FAT3: variants seen among roughly 807,000 people sequenced by gnomAD.
FAT3 encodes protocadherin Fat 3.
Under a neutral mutation model 310.2 loss-of-function variants are expected in FAT3, and 95 were observed. The observed-to-expected ratio is 0.31, with a 90% CI of 0.26 to 0.36. The LOEUF is 0.36. FAT3 is among the 10% of genes least tolerant of loss of function. The probability of loss-of-function intolerance (pLI) is 1.00; values close to 1 mark genes in which losing one functional copy is unlikely to be tolerated. For missense variants in FAT3, 5,408 were observed against 5,715.6 expected, an observed-to-expected ratio of 0.95 and a Z score of 1.74; for synonymous variants, 2,314 against 2,192.9, an observed-to-expected ratio of 1.06 and a Z score of -1.54.
intron 13 of FAT3, among the ~76,000 whole-genome samples, chr11:92,822,293 C>A (rs776970231): frequency 6.6e-6 from 1 of 151,556 alleles, no homozygotes; most frequent in Non-Finnish European, 1.5e-5. Context: ...TGTGCTACCT[C>A]ATTTGTAGAC....
chr11:92,701,128 A>G (rs1043763433), intron 4 of FAT3, among the ~76,000 whole-genome samples: 1 of 152,176 alleles, frequency 6.6e-6, no homozygotes, highest in Non-Finnish European at 1.5e-5. Flanking sequence ...TTAAACTCAT[A>G]TTAACCTTCT....
At chr11:92,748,261 A>G (rs117829518) in intron 4 of FAT3, among the ~76,000 whole-genome samples, 5,016 of 152,186 alleles carry the variant, frequency 0.033, 135 homozygotes, top group Middle Eastern at 0.058. Context: ...TTATAAAACC[A>G]TCAGATCCCA....
chr11:92,480,001 C>G (rs1952174387), intron 2 of FAT3, among the ~76,000 whole-genome samples: 1 of 152,134 alleles, frequency 6.6e-6, no homozygotes, highest in African/African-American at 2.4e-5. Flanking sequence ...CGCGGTTGCT[C>G]TCACCTGTAA....
intron 3 of FAT3, among the ~76,000 whole-genome samples, chr11:92,673,954 T>C (rs1943208094): frequency 6.6e-6 from 1 of 151,876 alleles, no homozygotes; most frequent in Non-Finnish European, 1.5e-5. Context: ...GCCAAAGTGG[T>C]TGGATCACTT....
chr11:92,679,777 G>T (rs2135852825), intron 3 of FAT3, among the ~76,000 whole-genome samples: 1 of 136,752 alleles, frequency 7.3e-6, no homozygotes, highest in African/African-American at 2.7e-5. Context: ...GGGAGGCGGA[G>T]TTTGCAGTGA....
At chr11:92,401,804 A>C (rs779878160) in intron 2 of FAT3, among the ~76,000 whole-genome samples, 3 of 152,194 alleles carry the variant, frequency 2.0e-5, no homozygotes, top group South Asian at 2.1e-4. Context: ...CTGCTATAGG[A>C]ATTTGAAGAC....
chr11:92,731,600 A>G (rs1386238188), intron 4 of FAT3, among the ~76,000 whole-genome samples: 2 of 152,102 alleles, frequency 1.3e-5, no homozygotes, highest in African/African-American at 2.4e-5. Flanking sequence ...TGACCTATGC[A>G]TAGCAAATGG....
intron 6 of FAT3, among the ~76,000 whole-genome samples, chr11:92,768,423 G>A (rs1340244266): frequency 6.6e-6 from 1 of 152,202 alleles, no homozygotes; most frequent in Admixed American, 6.5e-5. Flanking sequence ...GGTTACTTCA[G>A]TATTGATATG....
intron 2 of FAT3, among the ~76,000 whole-genome samples, chr11:92,447,781 AG>A (rs1453082421): frequency 2.0e-5 from 3 of 152,162 alleles, no homozygotes; most frequent in Non-Finnish European, 4.4e-5. Context: ...TGGAACGAGA[AG>A]AACCAGAATG....
chr11:92,362,240 CAGAT>C (rs1256871376), intron 2 of FAT3, among the ~76,000 whole-genome samples: 5 of 152,148 alleles, frequency 3.3e-5, no homozygotes, highest in African/African-American at 1.2e-4. Flanking sequence ...ACTTTGAATT[CAGAT>C]AGACAAACCG....
At chr11:92,623,172 T>G (rs77411799) in intron 3 of FAT3, among the ~76,000 whole-genome samples, 1 of 151,940 alleles carries the variant, frequency 6.6e-6, no homozygotes, top group Non-Finnish European at 1.5e-5. Flanking sequence ...AGTCCCATGT[T>G]GCTACATGTT....
intron 3 of FAT3, among the ~76,000 whole-genome samples, chr11:92,586,412 G>C (rs7940780): frequency 0.043 from 6,465 of 151,934 alleles, 385 homozygotes; most frequent in African/African-American, 0.13. Context: ...CTAAAGCCTT[G>C]TGACCACTCA....
chr11:92,516,999 A>G (rs1277256304), intron 2 of FAT3, among the ~76,000 whole-genome samples: 2 of 152,232 alleles, frequency 1.3e-5, no homozygotes, highest in African/African-American at 4.8e-5. Flanking sequence ...AACAAATGGA[A>G]AAACATTCCA....
intron 3 of FAT3, among the ~76,000 whole-genome samples, chr11:92,608,912 C>T (rs958260633): frequency 6.6e-6 from 1 of 152,058 alleles, no homozygotes; most frequent in African/African-American, 2.4e-5. Context: ...TGGTGCCATG[C>T]CCAGGCTTCT....
chr11:92,861,194 C>A (rs1469040615), intron 21 of FAT3, among the ~76,000 whole-genome samples: 1 of 152,188 alleles, frequency 6.6e-6, no homozygotes, highest in African/African-American at 2.4e-5. Flanking sequence ...TCAGAGCTAC[C>A]AGCTCTTAGG....
At chr11:92,342,526 A>C (rs967343563) in intron 1 of FAT3, among the ~76,000 whole-genome samples, 1 of 152,340 alleles carries the variant, frequency 6.6e-6, no homozygotes, top group African/African-American at 2.4e-5. Context: ...GGAACTTGGC[A>C]GAGCAGTAAA....
intron 3 of FAT3, among the ~76,000 whole-genome samples, chr11:92,635,793 G>A (rs1245272177): frequency 1.3e-5 from 2 of 152,164 alleles, no homozygotes; most frequent in Non-Finnish European, 2.9e-5. Flanking sequence ...GAAGATTAAA[G>A]CATAGGAGAA....
chr11:92,608,048 A>G (rs550190176), intron 3 of FAT3, among the ~76,000 whole-genome samples: 2 of 152,146 alleles, frequency 1.3e-5, no homozygotes, highest in African/African-American at 4.8e-5. Context: ...ATGACATCTA[A>G]CACTGTGGTT....
rs150356940 is a variant in FAT3 at position 92,830,872 on chromosome 11, A to C, written c.9482-750A>C. Among the ~76,000 whole-genome samples, 13 of 152,244 alleles carry C rather than the reference A, an allele frequency of 8.5e-5. No homozygotes were observed. The East Asian group carries it at 2.5e-3, about 30-fold the overall frequency. ...CTCGCCACCTCCAAGTTCAGAATAC[A>C]TCCAGGAACCCTTCATTTCTCACCA... On this transcript the variant is annotated intron_variant, in intron 13 of 27. Transcript: ENST00000525166.
Sources: gnomAD v4.1 joint callset for allele counts (sites outside exome capture counted in the v4.1 genomes callset) on GRCh38, gnomAD v4.1.1 for gene constraint, MANE v1.5 for transcripts, NCBI Gene and HGNC (gene_info 2026-07-23, HGNC 2026-07-21) for gene names.